GUCY1A2: variants seen among roughly 807,000 people sequenced by gnomAD.
The protein encoded by GUCY1A2 is guanylate cyclase soluble subunit alpha-2.
In GUCY1A2, 27 loss-of-function variants were observed where a neutral mutation model predicts 63.5. The observed-to-expected ratio is 0.43, with a 90% CI of 0.31 to 0.59. The LOEUF (loss-of-function observed/expected upper bound fraction) is 0.59, where lower values mean the gene tolerates loss of function less well. Among genes scored for constraint, GUCY1A2 ranks in the 20% least tolerant of loss-of-function variants. The pLI, the probability that GUCY1A2 is intolerant of heterozygous loss-of-function variation, is 0.11. For missense variants in GUCY1A2, 768 were observed against 913.3 expected (o/e 0.84, Z 2.05); for synonymous variants, 364 against 343.5 (o/e 1.06, Z -0.66).
At chr11:106,990,267 T>A (rs894470952) in intron 1 of GUCY1A2, among the ~76,000 whole-genome samples, 2 of 152,172 alleles carry the variant, frequency 1.3e-5, no homozygotes, top group Non-Finnish European at 2.9e-5. Context: ...AAAGCCTCCA[T>A]CATATGGCGG....
At position 106,921,866 on chromosome 11, in the gene GUCY1A2, T is replaced by A. The variant is rs111970834; in HGVS notation, c.1206+17594A>T. Among the ~76,000 whole-genome samples the A allele has an allele frequency of 1.3e-3, 195 of 152,290 alleles. 1 individual carries two copies. Among genetic ancestry groups the A allele is most frequent in the African/African-American group, 4.4e-3 (183 of 41,574 alleles). On this transcript the variant is annotated intron_variant, in intron 4 of 7. Coordinates refer to ENST00000526355, the MANE Select transcript of GUCY1A2 (RefSeq NM_000855.3). ...ATTAACAACATGTGTTGTATTCATCTTCATATCTCTAACATCTGGCACAAC... is the reference window on the plus strand; with the variant it reads ...ATTAACAACATGTGTTGTATTCATCATCATATCTCTAACATCTGGCACAAC...
chr11:106,882,567 T>G (rs1017219285), intron 4 of GUCY1A2, among the ~76,000 whole-genome samples: 1 of 151,988 alleles, frequency 6.6e-6, no homozygotes, highest in African/African-American at 2.4e-5. Context: ...ATTTAAAATG[T>G]CTAGTGAATA....
chr11:106,927,979 C>T (rs1051736210), intron 4 of GUCY1A2, among the ~76,000 whole-genome samples: 1 of 152,036 alleles, frequency 6.6e-6, no homozygotes, highest in Non-Finnish European at 1.5e-5. Context: ...AATTTATAAC[C>T]TACCTAAAAA....
At position 106,679,579 on chromosome 11, in the gene GUCY1A2, T is replaced by G. The variant is rs1862398722; in HGVS notation, c.*7970A>C. Reference sequence around the variant, plus strand: ...TTTAATGTCAGAACAACAACAAATGTTTTTAAATGATTCATAAGACAAAAG... The same window carrying G: ...TTTAATGTCAGAACAACAACAAATGGTTTTAAATGATTCATAAGACAAAAG... On this transcript the variant is annotated 3_prime_UTR_variant, in exon 8 of 8. Transcript: ENST00000526355. The G allele has an allele frequency of 4.9e-6, 1 of 205,676 alleles. No homozygotes were observed. The highest frequency in any genetic ancestry group is 9.9e-6 in the Non-Finnish European group (1 of 100,622). 12.7% of individuals were successfully genotyped at this position (205,676 alleles called of 1,614,324 possible).
chr11:106,880,633 G>A (rs541492605), intron 4 of GUCY1A2, among the ~76,000 whole-genome samples: 21 of 152,100 alleles, frequency 1.4e-4, no homozygotes, highest in Non-Finnish European at 1.9e-4. Flanking sequence ...TTCTTAAAAC[G>A]TACTGGTTGT....
intron 6 of GUCY1A2, among the ~76,000 whole-genome samples, chr11:106,722,154 T>C (rs1457126714): frequency 6.6e-6 from 1 of 152,180 alleles, no homozygotes; most frequent in African/African-American, 2.4e-5. Context: ...ACTTGCAGCA[T>C]GATATTTTTG....
intron 4 of GUCY1A2, among the ~76,000 whole-genome samples, chr11:106,906,200 A>C (rs553610473): frequency 6.6e-6 from 1 of 152,324 alleles, no homozygotes; most frequent in South Asian, 2.1e-4. Flanking sequence ...TCCATCTGAC[A>C]AAGGGCTAAT....
chr11:106,779,074 T>C (rs1043074240), intron 5 of GUCY1A2, among the ~76,000 whole-genome samples: 1 of 152,190 alleles, frequency 6.6e-6, no homozygotes, highest in African/African-American at 2.4e-5. Flanking sequence ...TAGGGAATAT[T>C]ATGAGAACAC....
chr11:106,688,662 A>G (rs1862569907), intron 7 of GUCY1A2, among the ~76,000 whole-genome samples: 1 of 152,188 alleles, frequency 6.6e-6, no homozygotes, highest in Admixed American at 6.6e-5. Flanking sequence ...ACACAGAGTA[A>G]TATCAAAGTA....
chr11:106,977,297 T>C (rs1861275410), intron 3 of GUCY1A2, among the ~76,000 whole-genome samples: 1 of 152,120 alleles, frequency 6.6e-6, no homozygotes, highest in Admixed American at 6.5e-5. Context: ...TTTAAACAAC[T>C]CTTGGGTAAT....
intron 4 of GUCY1A2, among the ~76,000 whole-genome samples, chr11:106,825,118 G>T (rs1427508193): frequency 1.3e-5 from 2 of 152,046 alleles, no homozygotes; most frequent in Non-Finnish European, 2.9e-5. Context: ...TTTTGAGAAT[G>T]TTTGAAAATT....
chr11:106,981,319 G>A (rs920374869), intron 2 of GUCY1A2, among the ~76,000 whole-genome samples: 2 of 152,042 alleles, frequency 1.3e-5, no homozygotes, highest in Non-Finnish European at 1.5e-5. Context: ...AAGAAAAAGA[G>A]AACAGAAGGT....
chr11:106,926,316 T>C (rs1591330216), intron 4 of GUCY1A2, among the ~76,000 whole-genome samples: 2 of 151,978 alleles, frequency 1.3e-5, no homozygotes, highest in East Asian at 1.9e-4. Context: ...TGCACACCTG[T>C]AGTCCCAGCT....
At chr11:106,997,964 G>A (rs911039491) in intron 1 of GUCY1A2, among the ~76,000 whole-genome samples, 12 of 151,980 alleles carry the variant, frequency 7.9e-5, no homozygotes, top group Middle Eastern at 3.4e-3. Context: ...CTGAGGTGGG[G>A]AAAACTGAAA....
chr11:106,744,118 A>C (rs1306631346), intron 6 of GUCY1A2, among the ~76,000 whole-genome samples: 1 of 152,220 alleles, frequency 6.6e-6, no homozygotes, highest in African/African-American at 2.4e-5. Context: ...AAAGAAATAC[A>C]GTTTCCTATC....
At chr11:106,824,716 A>T in intron 4 of GUCY1A2, 1 of 1,238,402 alleles carries the variant, frequency 8.1e-7, no homozygotes, top group Non-Finnish European at 1.1e-6. Context: ...TGATACAGAA[A>T]GAATATTTTG....
intron 7 of GUCY1A2, 46 bp from the exon 8 acceptor site, chr11:106,687,802 T>C (rs1048933090): frequency 7.9e-7 from 1 of 1,261,454 alleles, no homozygotes; most frequent in African/African-American, 1.5e-5. Context: ...GCCAGGGAAA[T>C]GTAAATACAT....
rs35106966 is a variant in GUCY1A2, at chr11:106,676,380, CT to C, written c.*11168del. On this transcript the variant is annotated 3_prime_UTR_variant, in exon 8 of 8. Transcript: ENST00000526355. ...GTTTGATCTCTTGATCCAAGCTGTA[CT>C]TTTTTTTTTTTTGTATTTAATAAAA... is the stretch of plus-strand genomic sequence containing the variant. 0.46 allele frequency: 78,331 copies of C among 170,054 alleles called. 16,088 individuals are homozygous for C. The highest frequency in any genetic ancestry group is 0.56 in the African/African-American group (22,868 of 40,738). The allele number at this position is 170,054 out of a possible 1,614,324, so 10.5% of individuals were successfully genotyped here.
At chr11:106,966,649 C>A (rs1861130286) in intron 3 of GUCY1A2, among the ~76,000 whole-genome samples, 1 of 152,146 alleles carries the variant, frequency 6.6e-6, no homozygotes, top group Non-Finnish European at 1.5e-5. Context: ...ATACAGACGT[C>A]TGTGGATTAA....
Sources: gnomAD v4.1 joint callset for allele counts (sites outside exome capture counted in the v4.1 genomes callset) on GRCh38, gnomAD v4.1.1 for gene constraint, MANE v1.5 for transcripts, NCBI Gene and HGNC (gene_info 2026-07-23, HGNC 2026-07-21) for gene names.